WARS2: variants seen among roughly 807,000 people sequenced by gnomAD.
The protein encoded by WARS2 is tryptophanyl tRNA synthetase 2, mitochondrial.
WARS2 carries 28 observed loss-of-function variants against 36.5 expected under a neutral mutation model. The ratio of observed to expected loss-of-function variants is 0.77; its 90% CI spans 0.57 to 1.05. WARS2 has a LOEUF of 1.05. Among genes scored for constraint, WARS2 ranks in the 50% least tolerant of loss-of-function variants. The probability of loss-of-function intolerance (pLI) is 0.00; values close to 1 mark genes in which losing one functional copy is unlikely to be tolerated. For synonymous variants in WARS2, 174 were observed against 178.4 expected, an observed-to-expected ratio of 0.98 and a Z score of 0.20; for missense variants, 435 against 456.8, an observed-to-expected ratio of 0.95 and a Z score of 0.44.
chr1:119,103,983 A>C (rs1654061474), intron 1 of WARS2, among the ~76,000 whole-genome samples: 1 of 150,868 alleles, frequency 6.6e-6, no homozygotes, highest in African/African-American at 2.4e-5. Context: ...TTTTTAAAAT[A>C]AAAAATATAT....
At chr1:119,102,399 C>T (rs1171608614) in intron 1 of WARS2, among the ~76,000 whole-genome samples, 1 of 152,206 alleles carries the variant, frequency 6.6e-6, no homozygotes, top group Non-Finnish European at 1.5e-5. Context: ...TTTTCTACTT[C>T]GTACTTGCAA....
intron 1 of WARS2, chr1:119,126,761 G>A: frequency 1.4e-6 from 1 of 737,682 alleles, no homozygotes; most frequent in Admixed American, 1.7e-5. Context: ...TTCCAATACT[G>A]TCTGGAATCA....
At chr1:119,046,726 C>T (rs1648883903) in intron 2 of WARS2, among the ~76,000 whole-genome samples, 1 of 151,678 alleles carries the variant, frequency 6.6e-6, no homozygotes, top group Non-Finnish European at 1.5e-5. Context: ...AAGGCCTATG[C>T]ATCCCGTTTC....
intron 1 of WARS2, among the ~76,000 whole-genome samples, chr1:119,089,074 C>A (rs761413866): frequency 2.0e-5 from 3 of 152,180 alleles, no homozygotes; most frequent in Non-Finnish European, 4.4e-5. Flanking sequence ...TGATATAATT[C>A]CCTATCTCAA....
At chr1:119,111,393 C>A (rs1170931015) in intron 1 of WARS2, among the ~76,000 whole-genome samples, 1 of 152,126 alleles carries the variant, frequency 6.6e-6, no homozygotes, top group Non-Finnish European at 1.5e-5. Context: ...CATCTCTCTC[C>A]CCCTCTTAGG....
intron 1 of WARS2, among the ~76,000 whole-genome samples, chr1:119,110,079 A>G (rs1294486731): frequency 4.6e-5 from 7 of 151,988 alleles, no homozygotes; most frequent in Admixed American, 3.3e-4. Context: ...TCCCTTATAT[A>G]TAAGCATAAA....
At chr1:119,081,049 C>A (rs1652155382) in intron 1 of WARS2, among the ~76,000 whole-genome samples, 1 of 152,146 alleles carries the variant, frequency 6.6e-6, no homozygotes, top group African/African-American at 2.4e-5. Context: ...ATTTTTATAA[C>A]AGAACCAGCA....
intron 1 of WARS2, among the ~76,000 whole-genome samples, chr1:119,095,864 T>C (rs587615259): frequency 3.3e-5 from 5 of 152,326 alleles, no homozygotes; most frequent in African/African-American, 7.2e-5. Context: ...AGTGTCAGTA[T>C]TGGGGGACAC....
chr1:119,067,395 T>C (rs529521468), intron 2 of WARS2, among the ~76,000 whole-genome samples: 1 of 152,230 alleles, frequency 6.6e-6, no homozygotes, highest in Non-Finnish European at 1.5e-5. Context: ...GAAGCAAGTA[T>C]GCCAAAAGGC....
At chr1:119,062,247 G>C (rs1036955708) in intron 2 of WARS2, among the ~76,000 whole-genome samples, 1 of 152,184 alleles carries the variant, frequency 6.6e-6, no homozygotes. Context: ...CTTGTTTAGA[G>C]AAGCTACCTT....
At chr1:119,106,637 C>T (rs1300027523) in intron 1 of WARS2, among the ~76,000 whole-genome samples, 1 of 152,120 alleles carries the variant, frequency 6.6e-6, no homozygotes, top group Non-Finnish European at 1.5e-5. Context: ...CTTTTCATAG[C>T]TTGATAGTTC....
chr1:119,132,703 TGAG>T (rs1363458674), intron 1 of WARS2, among the ~76,000 whole-genome samples: 1 of 152,224 alleles, frequency 6.6e-6, no homozygotes, highest in Admixed American at 6.5e-5. Context: ...TCTCTGTTCA[TGAG>T]GAGTGTGACA....
intron 1 of WARS2, among the ~76,000 whole-genome samples, chr1:119,088,750 T>C (rs1186980518): frequency 6.6e-6 from 1 of 152,166 alleles, no homozygotes; most frequent in East Asian, 1.9e-4. Flanking sequence ...CATAAATCTC[T>C]ATGGCTCAGG....
At chr1:119,051,012 A>G (rs1649305270) in intron 2 of WARS2, among the ~76,000 whole-genome samples, 1 of 152,102 alleles carries the variant, frequency 6.6e-6, no homozygotes, top group African/African-American at 2.4e-5. Context: ...AAGTTTTACC[A>G]TTTTCTGCAT....
rs1032991951 is a variant in WARS2, at chr1:119,056,859, T to C, written c.349-11197A>G. 9.9e-4 allele frequency among the ~76,000 whole-genome samples: 151 copies of C among 152,260 alleles called. 1 individual carries two copies. Among genetic ancestry groups the C allele is most frequent in the East Asian group, 7.7e-4 (4 of 5,192 alleles). On this transcript the variant is annotated intron_variant, in intron 2 of 5. Coordinates refer to ENST00000235521, the MANE Select transcript of WARS2 (RefSeq NM_015836.4). ...TCAGCATGTTTTATACAACTCTTTT[T>C]GTAGATTATTGGTAAAGTCTTTTGG... is the stretch of plus-strand genomic sequence containing the variant.
chr1:119,106,329 C>A (rs1404028003), intron 1 of WARS2, among the ~76,000 whole-genome samples: 1 of 152,108 alleles, frequency 6.6e-6, no homozygotes, highest in Non-Finnish European at 1.5e-5. Flanking sequence ...CACCCAAACT[C>A]CACAGTTTAC....
intron 2 of WARS2, 140 bp from the exon 3 acceptor site, chr1:119,045,802 G>A (rs200827858): frequency 7.6e-6 from 5 of 661,794 alleles, no homozygotes; most frequent in East Asian, 5.5e-5. Context: ...AGGGGGCTTA[G>A]TTCTGATTCA....
chr1:119,134,930 T>C (rs12085308), intron 1 of WARS2, among the ~76,000 whole-genome samples: 42,938 of 152,038 alleles, frequency 0.28, 6,497 homozygotes, highest in African/African-American at 0.38. Flanking sequence ...CTAGGTTAGT[T>C]ACAACAGTGA....
At chr1:119,097,100 G>A (rs918421541) in intron 1 of WARS2, among the ~76,000 whole-genome samples, 2 of 152,162 alleles carry the variant, frequency 1.3e-5, no homozygotes, top group African/African-American at 4.8e-5. Context: ...TGTACCAAGT[G>A]GAACAGAGCT....
Sources: allele counts gnomAD v4.1 joint callset (sites outside exome capture counted in the v4.1 genomes callset), GRCh38; gene constraint gnomAD v4.1.1; transcripts MANE v1.5; gene names NCBI Gene and HGNC (gene_info 2026-07-23, HGNC 2026-07-21).